The following GPR55 variants were observed in gnomAD, a reference collection of about 807,000 sequenced individuals.
GPR55 encodes the protein G-protein coupled receptor 55.
In GPR55, 6 loss-of-function variants were observed where a neutral mutation model predicts 7.9. The observed-to-expected ratio is 0.76, with a 90% CI of 0.41 to 1.49. GPR55 has a LOEUF of 1.49. Ranked by LOEUF, GPR55 falls within the 40% of genes most tolerant of loss-of-function variation. The pLI is 0.01. For missense variants in GPR55, 376 were observed against 406.0 expected (o/e 0.93, Z 0.63); for synonymous variants, 183 against 166.8 (o/e 1.10, Z -0.75).
upstream of GPR55, among the ~76,000 whole-genome samples, chr2:230,928,084 G>A (rs1364846976): frequency 6.6e-6 from 1 of 152,184 alleles, no homozygotes; most frequent in East Asian, 1.9e-4. Flanking sequence ...GGGTTGGTGA[G>A]GGCCCGGGCA....
chr2:230,920,763 GGAAGA>G (rs1248749023), intron 1 of GPR55, among the ~76,000 whole-genome samples: 1 of 151,992 alleles, frequency 6.6e-6, no homozygotes, highest in African/African-American at 2.4e-5. Context: ...CGGGACAAAA[GGAAGA>G]GAAGATTCAC....
At chr2:230,930,546 G>A (rs1691019317) in intron 1 of GPR55, among the ~76,000 whole-genome samples, 1 of 151,562 alleles carries the variant, frequency 6.6e-6, no homozygotes, top group African/African-American at 2.4e-5. Flanking sequence ...CGTTTCCTGG[G>A]CTAAAGCGAT....
intron 1 of GPR55, among the ~76,000 whole-genome samples, chr2:230,950,508 A>G (rs187475780): frequency 2.6e-4 from 40 of 152,154 alleles, no homozygotes; most frequent in Non-Finnish European, 4.7e-4. Flanking sequence ...CGAGAGCTGC[A>G]CAGATAAGGA....
intron 1 of GPR55, among the ~76,000 whole-genome samples, chr2:230,931,591 T>C (rs1456171561): frequency 6.6e-6 from 1 of 152,140 alleles, no homozygotes; most frequent in Non-Finnish European, 1.5e-5. Flanking sequence ...GCAACTCGCC[T>C]GATAAGCCCA....
In GPR55 at chr2:230,924,194, G is replaced by A. The variant is rs780907142; in HGVS notation, c.-135+974C>T. Among the ~76,000 whole-genome samples the A allele has an allele frequency of 1.4e-4, 22 of 152,164 alleles. No homozygotes were observed. The highest frequency in any genetic ancestry group is 5.1e-4 in the African/African-American group (21 of 41,444). ...GGGAAGGTCTTATTGCATGAAAGAG[G>A]GGGTGAAGAAATGACGGAACAAATG... On this transcript the variant is annotated intron_variant, in intron 1 of 1. Transcript: ENST00000650999. The surrounding 1 kb of genome is among the most constrained non-coding windows in gnomAD (Gnocchi z 4.5).
At position 230,930,398 on chromosome 2, in the gene GPR55, C is replaced by T. The variant is rs116418615; in HGVS notation, c.-134-19302G>A. ...CTTTTCTCCCTACTTCACCCCTTCC[C>T]ACCTCCCCTACACACAGACATTTTT... On this transcript the variant is annotated intron_variant, in intron 1 of 1. Coordinates refer to the GPR55 transcript ENST00000392039. Among the ~76,000 whole-genome samples the T allele has an allele frequency of 8.1e-3, 1,172 of 145,304 alleles. 18 individuals carry two copies. Among genetic ancestry groups the T allele is most frequent in the African/African-American group, 0.027 (1,062 of 39,294 alleles).
intron 1 of GPR55, among the ~76,000 whole-genome samples, chr2:230,949,798 T>C (rs1691371803): frequency 6.6e-6 from 1 of 152,042 alleles, no homozygotes; most frequent in African/African-American, 2.4e-5. Context: ...CACAGAGATC[T>C]GTGGAAATGT....
intron 1 of GPR55, among the ~76,000 whole-genome samples, chr2:230,920,160 A>AT (rs1553541081): frequency 6.6e-6 from 1 of 151,642 alleles, no homozygotes; most frequent in Non-Finnish European, 1.5e-5. Context: ...AGATTAAAAA[A>AT]ATATATATAT....
chr2:230,940,268 C>T (rs1691205288), intron 1 of GPR55, among the ~76,000 whole-genome samples: 1 of 152,164 alleles, frequency 6.6e-6, no homozygotes, highest in African/African-American at 2.4e-5. Flanking sequence ...CCACCTCCCT[C>T]CTGGCACCCA....
intron 1 of GPR55, among the ~76,000 whole-genome samples, chr2:230,948,829 G>A (rs1691355718): frequency 6.6e-6 from 1 of 152,258 alleles, no homozygotes; most frequent in Non-Finnish European, 1.5e-5. Context: ...TGTAATCCCA[G>A]CACTTTGGGA....
chr2:230,919,538 G>A (rs961602143), intron 1 of GPR55, among the ~76,000 whole-genome samples: 3 of 152,126 alleles, frequency 2.0e-5, no homozygotes, highest in Admixed American at 2.0e-4. Flanking sequence ...AAAGAATTTG[G>A]CAAGGGTTCT....
intron 1 of GPR55, among the ~76,000 whole-genome samples, chr2:230,951,670 C>G (rs1460104728): frequency 6.6e-6 from 1 of 151,908 alleles, no homozygotes; most frequent in Admixed American, 6.6e-5. Context: ...TGGCTGGGAT[C>G]TTGACAACTG....
chr2:230,949,613 C>G (rs1267162300), intron 1 of GPR55, among the ~76,000 whole-genome samples: 2 of 151,684 alleles, frequency 1.3e-5, no homozygotes, highest in Non-Finnish European at 2.9e-5. Context: ...TTCTGGGGAT[C>G]CACAAGGTCA....
chr2:230,931,804 C>T (rs977115120), intron 1 of GPR55, among the ~76,000 whole-genome samples: 2 of 152,136 alleles, frequency 1.3e-5, no homozygotes, highest in Admixed American at 6.5e-5. Context: ...TGGTGCCCCA[C>T]TCCACTGCCC....
chr2:230,910,566 G>A lies in GPR55; in HGVS notation c.397C>T (p.Arg133Trp), dbSNP rs772132028. The A allele has an allele frequency of 1.7e-5, 28 of 1,613,802 alleles. No homozygotes were observed. The Middle Eastern group carries it at 6.6e-4, about 38-fold the overall frequency. The change falls in exon 2 of 2, where the codon CGG (arginine) becomes TGG (tryptophan). Residue 133 changes from arginine (R) to tryptophan (W), a missense_variant. Physicochemically the swap from Arg to Trp is moderately radical, Grantham distance 101 (BLOSUM62 -3). Coordinates refer to ENST00000650999, the MANE Select transcript of GPR55 (RefSeq NM_005683.4). This position sits in a 1 kb window ranked among gnomAD's most constrained non-coding sequence, Gnocchi z 5.4. ...IRYPLLVSHL[R>W]SPRKIFGICC... Reference sequence around the variant, plus strand: ...ATCCCAAAGATCTTCCTGGGGGACCGGAGGTGGCTCACCAGTAGCGGGTAA... The same window carrying A: ...ATCCCAAAGATCTTCCTGGGGGACCAGAGGTGGCTCACCAGTAGCGGGTAA...
At chr2:230,912,906 G>A (rs977122366) in intron 1 of GPR55, among the ~76,000 whole-genome samples, 3 of 152,172 alleles carry the variant, frequency 2.0e-5, no homozygotes, top group Admixed American at 1.3e-4. Flanking sequence ...CTTTTCAAAG[G>A]CAGCATGGCT....
intron 1 of GPR55, among the ~76,000 whole-genome samples, chr2:230,920,577 G>C (rs1690810744): frequency 6.6e-6 from 1 of 152,072 alleles, no homozygotes; most frequent in Non-Finnish European, 1.5e-5. Flanking sequence ...AGCAGTAAAA[G>C]ACGACATAAA....
chr2:230,947,646 G>A (rs1243103446), intron 1 of GPR55, among the ~76,000 whole-genome samples: 2 of 151,646 alleles, frequency 1.3e-5, no homozygotes, highest in South Asian at 2.1e-4. Flanking sequence ...TGGGACCACA[G>A]GGGCACACCA....
At chr2:230,960,810 T>C (rs1028667049) in exon 1 of GPR55, 2 of 152,182 alleles carry the variant, frequency 1.3e-5, no homozygotes, top group African/African-American at 2.4e-5. Context: ...AGCCGGCAAC[T>C]TGTAGGAGCA....
Sources: gnomAD v4.1 joint callset for allele counts (sites outside exome capture counted in the v4.1 genomes callset) on GRCh38, gnomAD v4.1.1 for gene constraint, Gnocchi (gnomAD v3.1) non-coding constraint, MANE v1.5 for transcripts, NCBI Gene and HGNC (gene_info 2026-07-23, HGNC 2026-07-21) for gene names.